The following ERBB4 variants were observed in gnomAD, a reference collection of about 807,000 sequenced individuals.
ERBB4 encodes erb-b2 receptor tyrosine kinase 4, also known as receptor tyrosine-protein kinase erbB-4.
Under a neutral mutation model 158.0 loss-of-function variants are expected in ERBB4, and 42 were observed. The observed-to-expected ratio is 0.27, with a 90% CI of 0.21 to 0.34. The LOEUF (loss-of-function observed/expected upper bound fraction) is 0.34. Ranked by LOEUF, ERBB4 falls within the 10% of genes least tolerant of loss-of-function variation. ERBB4 has a pLI of 1.00. For synonymous variants in ERBB4, 583 were observed against 558.7 expected (o/e 1.04, Z -0.61); for missense variants, 1,333 against 1,624.1 (o/e 0.82, Z 3.08).
intron 2 of ERBB4, among the ~76,000 whole-genome samples, chr2:212,008,510 G>T (rs916542482): frequency 1.3e-5 from 2 of 151,994 alleles, no homozygotes; most frequent in African/African-American, 4.8e-5. Flanking sequence ...ATAAATGAAT[G>T]AACAAATACA....
intron 7 of ERBB4, among the ~76,000 whole-genome samples, chr2:211,720,893 A>G (rs1233841166): frequency 6.6e-6 from 1 of 152,030 alleles, no homozygotes; most frequent in Non-Finnish European, 1.5e-5. Context: ...GTTTCCTCTT[A>G]TTTTTACCAC....
At chr2:212,148,137 A>T (rs966260140) in intron 1 of ERBB4, among the ~76,000 whole-genome samples, 1 of 151,898 alleles carries the variant, frequency 6.6e-6, no homozygotes, top group African/African-American at 2.4e-5. Flanking sequence ...ATTCCCAAAG[A>T]GTATTTTCTT....
intron 20 of ERBB4, among the ~76,000 whole-genome samples, chr2:211,480,421 A>C (rs1384431188): frequency 1.3e-5 from 2 of 152,082 alleles, no homozygotes; most frequent in East Asian, 3.9e-4. Flanking sequence ...AGTTCTCCTT[A>C]GATCTGGTTG....
chr2:212,277,892 T>A (rs2085604161), intron 1 of ERBB4, among the ~76,000 whole-genome samples: 1 of 151,668 alleles, frequency 6.6e-6, no homozygotes, highest in Non-Finnish European at 1.5e-5. Flanking sequence ...CAGGTTATAT[T>A]TTGGAAATTA....
At chr2:212,440,386 C>T (rs531683404) in intron 1 of ERBB4, among the ~76,000 whole-genome samples, 3 of 152,300 alleles carry the variant, frequency 2.0e-5, no homozygotes, top group East Asian at 1.9e-4. Flanking sequence ...TGCCCTCAAA[C>T]ATTGGACTCC....
intron 20 of ERBB4, among the ~76,000 whole-genome samples, chr2:211,481,530 T>C (rs1012552528): frequency 1.5e-4 from 23 of 152,134 alleles, no homozygotes; most frequent in Middle Eastern, 3.4e-3. Context: ...GAAATCTTTT[T>C]TTTTTTTTTT....
chr2:211,763,895 T>TACACACACACACACACAC (rs1432790905), intron 4 of ERBB4, among the ~76,000 whole-genome samples: 3 of 32,386 alleles, frequency 9.3e-5, no homozygotes, highest in Non-Finnish European at 2.2e-4. Flanking sequence ...TGTGCGTGTG[T>TACACACACACACACACAC]ATACACACAC....
chr2:211,827,418 A>G (rs1276187555), intron 3 of ERBB4, among the ~76,000 whole-genome samples: 2 of 152,014 alleles, frequency 1.3e-5, no homozygotes, highest in Non-Finnish European at 2.9e-5. Context: ...TTGACAATCC[A>G]CATACCACTT....
chr2:211,453,895 G>A (rs2064314412), intron 20 of ERBB4, among the ~76,000 whole-genome samples: 1 of 152,080 alleles, frequency 6.6e-6, no homozygotes, highest in African/African-American at 2.4e-5. Flanking sequence ...AAAATACTAA[G>A]CTACTAAAAT....
chr2:211,453,542 A>G (rs1225172105), intron 20 of ERBB4, among the ~76,000 whole-genome samples: 2 of 152,204 alleles, frequency 1.3e-5, no homozygotes, highest in African/African-American at 4.8e-5. Flanking sequence ...AACATGTACA[A>G]TGTGCTTTTG....
At chr2:212,465,437 C>A (rs1210011200) in intron 1 of ERBB4, among the ~76,000 whole-genome samples, 1 of 152,146 alleles carries the variant, frequency 6.6e-6, no homozygotes, top group Non-Finnish European at 1.5e-5. Flanking sequence ...ATCAGAATGA[C>A]AATGATAATC....
At chr2:211,651,794 T>C (rs2070999147) in intron 16 of ERBB4, among the ~76,000 whole-genome samples, 1 of 152,178 alleles carries the variant, frequency 6.6e-6, no homozygotes, top group South Asian at 2.1e-4. Context: ...TTCAAGGAAC[T>C]TGGTTCTGCC....
chr2:211,548,588 T>C (rs556832089), intron 20 of ERBB4, among the ~76,000 whole-genome samples: 1 of 152,198 alleles, frequency 6.6e-6, no homozygotes, highest in East Asian at 1.9e-4. Flanking sequence ...TGGTGCTGGA[T>C]GCCAGTTAAT....
intron 2 of ERBB4, among the ~76,000 whole-genome samples, chr2:212,112,665 C>T (rs545265523): frequency 6.6e-6 from 1 of 152,222 alleles, no homozygotes; most frequent in Middle Eastern, 3.4e-3. Flanking sequence ...TGTTTCATCA[C>T]TTACAAAATG....
chr2:211,711,221 T>C (rs1288797116), intron 9 of ERBB4, among the ~76,000 whole-genome samples: 1 of 152,168 alleles, frequency 6.6e-6, no homozygotes, highest in Admixed American at 6.5e-5. Flanking sequence ...GCCATTCCTA[T>C]TTGGACATAT....
chr2:212,124,235 T>C (rs1456929137), intron 2 of ERBB4, among the ~76,000 whole-genome samples: 1 of 152,226 alleles, frequency 6.6e-6, no homozygotes, highest in East Asian at 1.9e-4. Context: ...TTGATCTATG[T>C]AAATACTTGT....
chr2:211,892,554 C>G (rs1454191422), intron 3 of ERBB4, among the ~76,000 whole-genome samples: 1 of 142,192 alleles, frequency 7.0e-6, no homozygotes, highest in Non-Finnish European at 1.5e-5. Flanking sequence ...GAAGTTCTGG[C>G]CAGGGCAATT....
At chr2:212,301,631 A>G (rs1183249145) in intron 1 of ERBB4, among the ~76,000 whole-genome samples, 2 of 150,728 alleles carry the variant, frequency 1.3e-5, no homozygotes, top group Non-Finnish European at 3.0e-5. Flanking sequence ...AACAGGTCCT[A>G]ATATTGTCAG....
intron 3 of ERBB4, among the ~76,000 whole-genome samples, chr2:211,841,114 T>G (rs754242198): frequency 6.6e-6 from 1 of 152,094 alleles, no homozygotes; most frequent in Non-Finnish European, 1.5e-5. Context: ...TAATATACTT[T>G]ATGAAGAAAA....
Sources: gnomAD v4.1 joint callset for allele counts (sites outside exome capture counted in the v4.1 genomes callset) on GRCh38, gnomAD v4.1.1 for gene constraint, MANE v1.5 for transcripts, NCBI Gene and HGNC (gene_info 2026-07-23, HGNC 2026-07-21) for gene names.